Variants in PTPRT observed in about 807,000 individuals in gnomAD.
PTPRT encodes receptor-type tyrosine-protein phosphatase T.
In PTPRT, 56 loss-of-function variants were observed where a neutral mutation model predicts 176.8. That is an observed-to-expected ratio of 0.32 (90% confidence interval 0.26 to 0.40). The LOEUF (loss-of-function observed/expected upper bound fraction) is 0.40, where lower values mean the gene tolerates loss of function less well. Among genes scored for constraint, PTPRT ranks in the 10% least tolerant of loss-of-function variants. PTPRT has a pLI of 1.00. For missense variants in PTPRT, 1,540 were observed against 1,908.2 expected, an observed-to-expected ratio of 0.81 and a Z score of 3.60; for synonymous variants, 783 against 739.0, an observed-to-expected ratio of 1.06 and a Z score of -0.96.
At chr20:42,631,433 T>A (rs541980530) in intron 7 of PTPRT, among the ~76,000 whole-genome samples, 7 of 152,322 alleles carry the variant, frequency 4.6e-5, no homozygotes, top group African/African-American at 1.4e-4. Context: ...CCACATGTTA[T>A]GTTCCCTGAG....
At chr20:42,590,078 A>G (rs145045929) in intron 7 of PTPRT, among the ~76,000 whole-genome samples, 100 of 152,258 alleles carry the variant, frequency 6.6e-4, no homozygotes, top group Non-Finnish European at 7.1e-4. Flanking sequence ...AAGTCATGAA[A>G]GAGAAAAGCT....
At chr20:42,177,163 A>T (rs1990328992) in intron 16 of PTPRT, among the ~76,000 whole-genome samples, 1 of 152,176 alleles carries the variant, frequency 6.6e-6, no homozygotes, top group South Asian at 2.1e-4. Flanking sequence ...CTATAGGCAG[A>T]TTCTAATACA....
At chr20:42,291,112 C>T (rs745802594) in intron 12 of PTPRT, among the ~76,000 whole-genome samples, 3 of 152,212 alleles carry the variant, frequency 2.0e-5, no homozygotes, top group African/African-American at 7.2e-5. Flanking sequence ...CTGACCTCAG[C>T]GTCTTTCCAT....
At chr20:42,181,197 C>T (rs1990508745) in intron 16 of PTPRT, among the ~76,000 whole-genome samples, 1 of 152,146 alleles carries the variant, frequency 6.6e-6, no homozygotes, top group Non-Finnish European at 1.5e-5. Flanking sequence ...GGAAGGCTCA[C>T]AAGGGCATGA....
chr20:42,998,249 C>T (rs1413739533), intron 1 of PTPRT, among the ~76,000 whole-genome samples: 1 of 152,130 alleles, frequency 6.6e-6, no homozygotes, highest in Non-Finnish European at 1.5e-5. Context: ...ACAATTCTAG[C>T]TATTGCATTC....
At chr20:43,002,855 A>G (rs1170945524) in intron 1 of PTPRT, among the ~76,000 whole-genome samples, 1 of 152,114 alleles carries the variant, frequency 6.6e-6, no homozygotes, top group African/African-American at 2.4e-5. Flanking sequence ...GAGGCTTAAT[A>G]AAGATAAAGG....
the PTPRT span, among the ~76,000 whole-genome samples, chr20:42,035,280 T>C: frequency 6.6e-6 from 1 of 152,120 alleles, no homozygotes; most frequent in Non-Finnish European, 1.5e-5. Context: ...AGAGAGATTA[T>C]ATATTGCAGA....
At chr20:43,087,576 C>T (rs2011648271) in intron 1 of PTPRT, among the ~76,000 whole-genome samples, 1 of 151,952 alleles carries the variant, frequency 6.6e-6, no homozygotes, top group Non-Finnish European at 1.5e-5. Flanking sequence ...GTTGGCCAGG[C>T]TGGTCTCAAA....
chr20:42,978,513 C>G (rs1983089841), intron 1 of PTPRT, among the ~76,000 whole-genome samples: 3 of 152,206 alleles, frequency 2.0e-5, no homozygotes, highest in Admixed American at 2.0e-4. Context: ...ACCACCAATA[C>G]TGTCAGAGGC....
chr20:42,821,753 C>T (rs1205422244), intron 2 of PTPRT, among the ~76,000 whole-genome samples: 1 of 152,062 alleles, frequency 6.6e-6, no homozygotes, highest in African/African-American at 2.4e-5. Flanking sequence ...CACAAGCATT[C>T]CTTTACACTG....
At chr20:42,660,702 A>G (rs1431895822) in intron 7 of PTPRT, among the ~76,000 whole-genome samples, 2 of 152,196 alleles carry the variant, frequency 1.3e-5, no homozygotes, top group Non-Finnish European at 2.9e-5. Flanking sequence ...CCATGATTCC[A>G]GGCACTGGTG....
rs943733267 is a variant in PTPRT, at chr20:42,804,282, C to G, written c.215-12816G>C. 2.0e-5 allele frequency among the ~76,000 whole-genome samples: 3 copies of G among 152,280 alleles called. No homozygotes were observed. The East Asian group carries it at 5.8e-4, about 29-fold the overall frequency. Reference sequence around the variant, plus strand: ...CTTTCTCCCATTCCCCATCCCTAGCCCTCCTCCCCTGTCCCACTTTTTGTA... The same window carrying G: ...CTTTCTCCCATTCCCCATCCCTAGCGCTCCTCCCCTGTCCCACTTTTTGTA... On this transcript the variant is annotated intron_variant, in intron 2 of 30. Coordinates refer to ENST00000373187, the MANE Select transcript of PTPRT (RefSeq NM_007050.6).
At chr20:42,330,969 T>G (rs878873618) in intron 11 of PTPRT, among the ~76,000 whole-genome samples, 4 of 152,220 alleles carry the variant, frequency 2.6e-5, no homozygotes, top group African/African-American at 9.6e-5. Flanking sequence ...GCACATTAAA[T>G]TTTGAAAAGC....
intron 11 of PTPRT, among the ~76,000 whole-genome samples, chr20:42,316,289 G>C (rs528854197): frequency 6.6e-6 from 1 of 152,280 alleles, no homozygotes; most frequent in Admixed American, 6.5e-5. Context: ...AATGGTAGCA[G>C]CATCTGACAA....
At chr20:42,168,998 C>T (rs973916569) in intron 16 of PTPRT, among the ~76,000 whole-genome samples, 4 of 152,134 alleles carry the variant, frequency 2.6e-5, no homozygotes, top group Non-Finnish European at 5.9e-5. Flanking sequence ...TTCTATGGAG[C>T]TGAAACAAAC....
At position 42,115,233 on chromosome 20, in the gene PTPRT, G is replaced by C. The variant is rs2146311445; in HGVS notation, c.3065C>G (p.Ala1022Gly). ...KVTLIETEPL[A>G]EYVIRTFTVQ... is the part of the protein sequence containing the mutation. ...TGTGAAGGTGCGTATGACGTATTCT[G>C]CCAGGGGCTCTGTTTCAATCAGGGT... is the stretch of plus-strand genomic sequence containing the variant. The change falls in exon 22 of 31, where the codon GCA becomes GGA. Residue 1022 changes from alanine (A) to glycine (G), a missense_variant. Coordinates refer to ENST00000373187, the MANE Select transcript of PTPRT (RefSeq NM_007050.6). The C allele has an allele frequency of 6.2e-7, 1 of 1,614,124 alleles. No individual in the cohort carries two copies. The highest frequency in any genetic ancestry group is 8.5e-7 in the Non-Finnish European group (1 of 1,179,964).
intron 12 of PTPRT, among the ~76,000 whole-genome samples, chr20:42,313,408 G>A (rs532511180): frequency 6.6e-6 from 1 of 152,018 alleles, no homozygotes; most frequent in Non-Finnish European, 1.5e-5. Context: ...CCCTCTCTTG[G>A]AGTCTGGATC....
chr20:43,046,558 T>A (rs79392869), intron 1 of PTPRT, among the ~76,000 whole-genome samples: 3 of 133,304 alleles, frequency 2.3e-5, no homozygotes, highest in South Asian at 2.3e-4. Context: ...AAAAAAAAAA[T>A]GGTTACTGAA....
chr20:42,649,770 GGA>G (rs1318291901), intron 7 of PTPRT, among the ~76,000 whole-genome samples: 1 of 151,842 alleles, frequency 6.6e-6, no homozygotes, highest in Non-Finnish European at 1.5e-5. Flanking sequence ...TCTCATGTTT[GGA>G]GAGACAACCC....
Sources: allele counts gnomAD v4.1 joint callset (sites outside exome capture counted in the v4.1 genomes callset), GRCh38; gene constraint gnomAD v4.1.1; transcripts MANE v1.5; gene names NCBI Gene and HGNC (gene_info 2026-07-23, HGNC 2026-07-21).